UST: variants seen among roughly 807,000 people sequenced by gnomAD.
UST encodes the protein chondroitin sulfate 2-O-sulfotransferase.
A neutral mutation model predicts 45.6 loss-of-function variants in UST; 21 were observed. That is an observed-to-expected ratio of 0.46 (90% confidence interval 0.33 to 0.66). The LOEUF (loss-of-function observed/expected upper bound fraction) is 0.66, where lower values mean the gene tolerates loss of function less well. Ranked by LOEUF, UST falls within the 30% of genes least tolerant of loss-of-function variation. The pLI is 0.02. For synonymous variants in UST, 215 were observed against 200.6 expected, an observed-to-expected ratio of 1.07 and a Z score of -0.61; for missense variants, 463 against 512.4, an observed-to-expected ratio of 0.90 and a Z score of 0.93.
chr6:148,942,611 A>G (rs1780150204), intron 3 of UST, among the ~76,000 whole-genome samples: 1 of 152,140 alleles, frequency 6.6e-6, no homozygotes, highest in Admixed American at 6.5e-5. Context: ...ATTTCCATCC[A>G]TGTCCATTTT....
intron 2 of UST, among the ~76,000 whole-genome samples, chr6:148,935,657 A>T (rs539977071): frequency 1.3e-5 from 2 of 152,248 alleles, no homozygotes; most frequent in African/African-American, 4.8e-5. Flanking sequence ...ACTATAACTT[A>T]CTGCTTCTTG....
At chr6:149,007,115 C>CTT (rs35867213) in intron 5 of UST, among the ~76,000 whole-genome samples, 6 of 77,638 alleles carry the variant, frequency 7.7e-5, no homozygotes, top group East Asian at 3.7e-4. Context: ...TCCAGGCAAG[C>CTT]TTTTTTTTTT....
At chr6:148,758,243 C>T (rs1776133658) in intron 1 of UST, among the ~76,000 whole-genome samples, 1 of 152,198 alleles carries the variant, frequency 6.6e-6, no homozygotes, top group Non-Finnish European at 1.5e-5. Flanking sequence ...GGCTCTTCAA[C>T]ACCTGACAAG....
intron 1 of UST, among the ~76,000 whole-genome samples, chr6:148,862,984 C>T (rs1778350131): frequency 6.6e-6 from 1 of 152,124 alleles, no homozygotes; most frequent in African/African-American, 2.4e-5. Flanking sequence ...CTTGGAGTTG[C>T]TCTTCTCGAG....
intron 1 of UST, among the ~76,000 whole-genome samples, chr6:148,814,734 C>T (rs973953365): frequency 1.3e-5 from 2 of 152,114 alleles, no homozygotes; most frequent in Admixed American, 6.6e-5. Context: ...TTTCCTTTCT[C>T]ACAAGGAAAC....
At chr6:148,756,454 A>G (rs1776101369) in intron 1 of UST, among the ~76,000 whole-genome samples, 1 of 152,228 alleles carries the variant, frequency 6.6e-6, no homozygotes, top group Non-Finnish European at 1.5e-5. Context: ...CCAGGGAACC[A>G]GATATAGCTG....
At chr6:148,953,724 A>C (rs954595835) in intron 3 of UST, 148 bp from the exon 4 acceptor site, 3 of 364,856 alleles carry the variant, frequency 8.2e-6, no homozygotes, top group African/African-American at 4.4e-5. Flanking sequence ...GTGAACCGAG[A>C]TCGAGCTACT....
At chr6:148,932,510 C>G (rs1228408056) in intron 2 of UST, among the ~76,000 whole-genome samples, 4 of 152,114 alleles carry the variant, frequency 2.6e-5, no homozygotes, top group Non-Finnish European at 4.4e-5. Flanking sequence ...CTCTTTGTTC[C>G]TCATATGTAT....
intron 5 of UST, among the ~76,000 whole-genome samples, chr6:148,971,531 G>C (rs956597167): frequency 6.6e-6 from 1 of 152,200 alleles, no homozygotes; most frequent in African/African-American, 2.4e-5. Flanking sequence ...GAATGGGGCA[G>C]TTGGCAAGTC....
chr6:148,870,915 C>T lies in UST; in HGVS notation c.248-16071C>T, dbSNP rs115214358. On this transcript the variant is annotated intron_variant, in intron 1 of 7. Coordinates refer to ENST00000367463, the MANE Select transcript of UST (RefSeq NM_005715.3). ...TCATCCTTTGTTTAATGTCTGTCACCTCTTTTTCTGCAGACTTCTGAGGGA... is the reference window on the plus strand; with the variant it reads ...TCATCCTTTGTTTAATGTCTGTCACTTCTTTTTCTGCAGACTTCTGAGGGA... 3.3e-3 allele frequency among the ~76,000 whole-genome samples: 503 copies of T among 152,244 alleles called. 4 individuals are homozygous for T. Among genetic ancestry groups the T allele is most frequent in the African/African-American group, 0.012 (480 of 41,540 alleles).
At chr6:148,753,787 C>T (rs1352315329) in intron 1 of UST, among the ~76,000 whole-genome samples, 4 of 152,142 alleles carry the variant, frequency 2.6e-5, no homozygotes, top group African/African-American at 9.7e-5. Context: ...TTTTACATCC[C>T]CCGCCAAGAA....
intron 5 of UST, among the ~76,000 whole-genome samples, chr6:148,965,717 A>G (rs1328855208): frequency 3.3e-5 from 5 of 152,200 alleles, no homozygotes; most frequent in Non-Finnish European, 1.5e-5. Flanking sequence ...CAGAGAAGTT[A>G]GTGTCTCAGC....
chr6:149,060,385 C>T (rs538334085), intron 7 of UST, among the ~76,000 whole-genome samples: 4 of 152,304 alleles, frequency 2.6e-5, no homozygotes, highest in South Asian at 2.1e-4. Context: ...GCAAATGTAG[C>T]GCTGGCCCGG....
chr6:148,771,069 A>G (rs1776416238), intron 1 of UST, among the ~76,000 whole-genome samples: 2 of 152,212 alleles, frequency 1.3e-5, no homozygotes, highest in South Asian at 4.1e-4. Context: ...GCCTTCTACA[A>G]GCTGATGGTT....
chr6:148,897,512 G>T (rs962211909), intron 2 of UST, among the ~76,000 whole-genome samples: 3 of 148,332 alleles, frequency 2.0e-5, no homozygotes, highest in African/African-American at 7.5e-5. Flanking sequence ...TTTTTTTAGA[G>T]ACACAGTCTT....
At chr6:148,780,808 T>C (rs1331590662) in intron 1 of UST, among the ~76,000 whole-genome samples, 1 of 152,202 alleles carries the variant, frequency 6.6e-6, no homozygotes, top group African/African-American at 2.4e-5. Flanking sequence ...TGCAATATTT[T>C]CAACTTTTTC....
intron 1 of UST, among the ~76,000 whole-genome samples, chr6:148,884,288 C>G (rs1418631085): frequency 6.6e-6 from 1 of 152,152 alleles, no homozygotes; most frequent in Non-Finnish European, 1.5e-5. Flanking sequence ...TGAGTACCTG[C>G]TATTTTCCAG....
chr6:148,927,474 C>T (rs1394810943), intron 2 of UST, among the ~76,000 whole-genome samples: 1 of 152,116 alleles, frequency 6.6e-6, no homozygotes, highest in African/African-American at 2.4e-5. Context: ...ATTTGTCCTA[C>T]AGTGTAGTGG....
In UST at chr6:148,942,450, C is replaced by T. The variant is rs958772763; in HGVS notation, c.447+1016C>T. On this transcript the variant is annotated intron_variant, in intron 3 of 7. Coordinates refer to ENST00000367463, the MANE Select transcript of UST (RefSeq NM_005715.3). ...GCACGTGCCTGTAGTCCCAGCTATT[C>T]GGGAGGCGGAGGCAGGAGAATCACT... 3.9e-5 allele frequency among the ~76,000 whole-genome samples: 6 copies of T among 152,116 alleles called. No homozygotes were observed. The East Asian group carries it at 5.8e-4, about 15-fold the overall frequency.
Sources: allele counts gnomAD v4.1 joint callset (sites outside exome capture counted in the v4.1 genomes callset), GRCh38; gene constraint gnomAD v4.1.1; transcripts MANE v1.5; gene names NCBI Gene and HGNC (gene_info 2026-07-23, HGNC 2026-07-21).